Variants in RANBP17 observed in about 807,000 individuals in gnomAD.
RANBP17 encodes RAN binding protein 17, also known as ran-binding protein 17.
A neutral mutation model predicts 141.2 loss-of-function variants in RANBP17; 158 were observed. The ratio of observed to expected loss-of-function variants is 1.12; its 90% confidence interval spans 0.98 to 1.28. RANBP17 has a LOEUF of 1.28. RANBP17 is among the 50% of genes most tolerant of loss of function. The pLI, the probability that RANBP17 is intolerant of heterozygous loss-of-function variation, is 0.00. For synonymous variants in RANBP17, 430 were observed against 450.0 expected, an observed-to-expected ratio of 0.96 and a Z score of 0.56; for missense variants, 1,438 against 1,290.7, an observed-to-expected ratio of 1.11 and a Z score of -1.75.
In RANBP17 at chr5:171,148,963, C is replaced by T. The variant is rs144907031; in HGVS notation, c.1711-21167C>T. On this transcript the variant is annotated intron_variant, in intron 14 of 27. Transcript: ENST00000523189. ...AGTAAACGATAGCTGTTCATATTAT[C>T]GTCATCATCCCTGTCCCTGAAACTT... 8.9e-3 allele frequency among the ~76,000 whole-genome samples: 1,356 copies of T among 152,306 alleles called. 20 individuals carry two copies. Among genetic ancestry groups the T allele is most frequent in the African/African-American group, 0.03 (1,257 of 41,564 alleles).
At chr5:171,210,015 A>G (rs897212502) in intron 20 of RANBP17, among the ~76,000 whole-genome samples, 2 of 152,198 alleles carry the variant, frequency 1.3e-5, no homozygotes, top group South Asian at 2.1e-4. Flanking sequence ...TACTTTTCAC[A>G]TTTTCATATT....
At chr5:170,876,819 A>G (rs550645332) in intron 1 of RANBP17, among the ~76,000 whole-genome samples, 1 of 152,294 alleles carries the variant, frequency 6.6e-6, no homozygotes, top group Admixed American at 6.5e-5. Context: ...TAAGGTTACC[A>G]CATAAAATTC....
intron 12 of RANBP17, among the ~76,000 whole-genome samples, chr5:170,947,330 T>C (rs1774847929): frequency 6.6e-6 from 1 of 152,176 alleles, no homozygotes; most frequent in Non-Finnish European, 1.5e-5. Context: ...AGCGTTGTTT[T>C]AGGCTCTGGA....
At chr5:170,891,137 G>A (rs1769559847) in intron 3 of RANBP17, among the ~76,000 whole-genome samples, 1 of 152,066 alleles carries the variant, frequency 6.6e-6, no homozygotes, top group Admixed American at 6.5e-5. Context: ...AAAAGCACAG[G>A]GCTTATGAGA....
intron 18 of RANBP17, among the ~76,000 whole-genome samples, chr5:171,185,806 A>G (rs1039127600): frequency 6.6e-6 from 1 of 152,198 alleles, no homozygotes; most frequent in African/African-American, 2.4e-5. Flanking sequence ...TGACCTCCCC[A>G]CTGAATAACA....
intron 24 of RANBP17, among the ~76,000 whole-genome samples, chr5:171,251,192 A>G (rs1483824783): frequency 6.6e-6 from 1 of 152,054 alleles, no homozygotes; most frequent in Non-Finnish European, 1.5e-5. Context: ...AAGCTCAAGC[A>G]ATTCTCCTGC....
intron 7 of RANBP17, among the ~76,000 whole-genome samples, chr5:170,912,702 GA>G (rs34855958): frequency 0.61 from 92,604 of 150,904 alleles, 29,744 homozygotes; most frequent in South Asian, 0.9. Flanking sequence ...TTGATAGGAG[GA>G]AAAAAAAACC....
chr5:171,167,144 AG>A, intron 14 of RANBP17, among the ~76,000 whole-genome samples: 1 of 152,304 alleles, frequency 6.6e-6, no homozygotes, highest in South Asian at 2.1e-4. Flanking sequence ...TGATGCTTTG[AG>A]AAACTGTTTT....
intron 14 of RANBP17, among the ~76,000 whole-genome samples, chr5:171,168,648 C>T (rs893917644): frequency 6.6e-6 from 1 of 152,108 alleles, no homozygotes; most frequent in Non-Finnish European, 1.5e-5. Context: ...TAGATTCTCT[C>T]TCCTCCTTAG....
chr5:171,249,760 A>C (rs776389465), intron 24 of RANBP17, among the ~76,000 whole-genome samples: 50 of 152,336 alleles, frequency 3.3e-4, no homozygotes, highest in South Asian at 1.0e-3. Flanking sequence ...CCTTCATGAC[A>C]TATGAAACAA....
At chr5:171,188,548 T>C (rs1175598231) in intron 18 of RANBP17, among the ~76,000 whole-genome samples, 1 of 152,198 alleles carries the variant, frequency 6.6e-6, no homozygotes, top group East Asian at 1.9e-4. Flanking sequence ...GGACTTAATT[T>C]ATTTCCCAGG....
chr5:171,152,252 A>C (rs1758538307), intron 14 of RANBP17, among the ~76,000 whole-genome samples: 1 of 146,042 alleles, frequency 6.8e-6, no homozygotes, highest in Admixed American at 6.9e-5. Flanking sequence ...ATCTCTACTA[A>C]AAAAAAAAAA....
intron 14 of RANBP17, 114 bp downstream of exon 14, chr5:170,968,491 G>T (rs1776755527): frequency 1.1e-6 from 1 of 923,920 alleles, no homozygotes; most frequent in African/African-American, 1.6e-5. Context: ...ATTGATTAAT[G>T]AATTGATGAA....
chr5:170,864,436 T>A (rs1423777639), intron 1 of RANBP17, among the ~76,000 whole-genome samples: 1 of 152,186 alleles, frequency 6.6e-6, no homozygotes, highest in African/African-American at 2.4e-5. Flanking sequence ...TCTCAAGCTC[T>A]GCTCCTAATG....
At chr5:170,940,565 T>C (rs77461333) in intron 12 of RANBP17, among the ~76,000 whole-genome samples, 4,600 of 152,218 alleles carry the variant, frequency 0.03, 233 homozygotes, top group African/African-American at 0.1. Flanking sequence ...ATTTTAGATA[T>C]CTAGTACTTA....
At chr5:171,187,601 T>C (rs1381589666) in intron 18 of RANBP17, among the ~76,000 whole-genome samples, 1 of 152,238 alleles carries the variant, frequency 6.6e-6, no homozygotes, top group Non-Finnish European at 1.5e-5. Flanking sequence ...GGTTGTAGCA[T>C]GTAGGTAATT....
At position 171,293,866 on chromosome 5, in the gene RANBP17, G is replaced by GTGATTCTATCATC; in HGVS notation, c.2944-7_2944-6insATCTGATTCTATC. 6.3e-7 allele frequency: 1 copy of GTGATTCTATCATC among 1,589,608 alleles called. No homozygotes were observed. The highest frequency in any genetic ancestry group is 8.6e-7 in the Non-Finnish European group (1 of 1,157,870). On this transcript the variant is annotated splice_polypyrimidine_tract_variant and intron_variant, in intron 25 of 27. Coordinates refer to ENST00000523189, the MANE Select transcript of RANBP17 (RefSeq NM_022897.5). Reference sequence around the variant, plus strand: ...TGAGACAAGGCATCTCAATCTTTATGTGATTCTATCTTCTAGATGATGTCT... The same window carrying GTGATTCTATCATC: ...TGAGACAAGGCATCTCAATCTTTATGTGATTCTATCATCTGATTCTATCTTCTAGATGATGTCT...
At chr5:170,911,514 T>A in intron 7 of RANBP17, 1 of 682,770 alleles carries the variant, frequency 1.5e-6, no homozygotes, top group Non-Finnish European at 2.8e-6. Flanking sequence ...GGATCAGTGT[T>A]AGCAAAATCT....
At chr5:171,255,619 T>G (rs2128008557) in intron 24 of RANBP17, among the ~76,000 whole-genome samples, 1 of 152,282 alleles carries the variant, frequency 6.6e-6, no homozygotes, top group South Asian at 2.1e-4. Flanking sequence ...TGCAGCTGGA[T>G]CTAAGTAAAA....
Sources: gnomAD v4.1 joint callset for allele counts (sites outside exome capture counted in the v4.1 genomes callset) on GRCh38, gnomAD v4.1.1 for gene constraint, MANE v1.5 for transcripts, NCBI Gene and HGNC (gene_info 2026-07-23, HGNC 2026-07-21) for gene names.